The following SMARCA1 variants were observed in gnomAD, a reference collection of about 807,000 sequenced individuals.
SMARCA1 encodes the protein SWI/SNF-related matrix-associated actin-dependent regulator of chromatin subfamily A member 1.
Under a neutral mutation model 93.6 loss-of-function variants are expected in SMARCA1, and 17 were observed. That is an observed-to-expected ratio of 0.18 (90% CI 0.12 to 0.27). The LOEUF is 0.27. SMARCA1 is among the 10% of genes least tolerant of loss of function. The pLI is 1.00. For missense variants in SMARCA1, 630 were observed against 819.0 expected (o/e 0.77, Z 2.82); for synonymous variants, 271 against 271.4 (o/e 1.00, Z 0.01).
chrX:129,448,271 C>A (rs1932103347), intron 24 of SMARCA1, 62 bp downstream of exon 24: 2 of 1,043,256 alleles, frequency 1.9e-6, no homozygotes, highest in Non-Finnish European at 2.7e-6. Context: ...ATAATATAGG[C>A]ATTTTAATTA....
chrX:129,467,706 T>C (rs757154486), intron 21 of SMARCA1, among the ~76,000 whole-genome samples: 29 of 111,006 alleles, frequency 2.6e-4, no homozygotes, highest in South Asian at 7.6e-4. Flanking sequence ...ACTAGCATGC[T>C]AGATAAATTA....
chrX:129,469,327 A>G (rs1003065545), intron 20 of SMARCA1, among the ~76,000 whole-genome samples: 1 of 79,254 alleles, frequency 1.3e-5, no homozygotes, highest in Admixed American at 1.3e-4. Flanking sequence ...AGGAATAACC[A>G]AAAGATAATG....
chrX:129,468,422 A>G (rs1602662831), intron 21 of SMARCA1, among the ~76,000 whole-genome samples: 1 of 112,101 alleles, frequency 8.9e-6, no homozygotes, highest in East Asian at 2.8e-4. Flanking sequence ...GAAAGGCACG[A>G]ATTCAATCCA....
chrX:129,450,850 T>C lies in SMARCA1; in HGVS notation c.3031-2407A>G, dbSNP rs186350441. ...TTAAGTGTTGGGCAATCTGTAACTT[T>C]TTAAGAATGGAAAATTGTTTAAAAT... On this transcript the variant is annotated intron_variant, in intron 23 of 24. Transcript: ENST00000371121. 2.7e-5 allele frequency among the ~76,000 whole-genome samples: 3 copies of C among 111,482 alleles called. No individual in the cohort carries two copies. The Admixed American group carries it at 2.9e-4, about 11-fold the overall frequency.
chrX:129,481,658 C>T, intron 17 of SMARCA1, among the ~76,000 whole-genome samples: 1 of 111,396 alleles, frequency 9.0e-6, no homozygotes, highest in East Asian at 2.8e-4. Flanking sequence ...GTTAGAATGG[C>T]AATCATTGAA....
chrX:129,485,476 G>A (rs1309799139), intron 17 of SMARCA1, among the ~76,000 whole-genome samples: 3 of 112,167 alleles, frequency 2.7e-5, no homozygotes, highest in African/African-American at 9.7e-5. Flanking sequence ...ACTGAGATGA[G>A]ACTTTGGACT....
At chrX:129,513,951 T>G (rs1935102051) in intron 5 of SMARCA1, among the ~76,000 whole-genome samples, 1 of 112,527 alleles carries the variant, frequency 8.9e-6, no homozygotes, top group Non-Finnish European at 1.9e-5. Context: ...CAGAGTCACA[T>G]AAATATGAGT....
At chrX:129,510,761 G>A (rs920082070) in intron 6 of SMARCA1, among the ~76,000 whole-genome samples, 1 of 111,526 alleles carries the variant, frequency 9.0e-6, no homozygotes, top group Non-Finnish European at 1.9e-5. Flanking sequence ...AGTTTATATG[G>A]AGTGGTATTA....
chrX:129,516,290 A>G (rs757518242), intron 3 of SMARCA1, 41 bp downstream of exon 3: 43 of 1,148,634 alleles, frequency 3.7e-5, no homozygotes, highest in Admixed American at 1.3e-4. Flanking sequence ...AAGAAAAGGT[A>G]GGAGAAAGGA....
intron 5 of SMARCA1, among the ~76,000 whole-genome samples, chrX:129,515,072 C>T (rs1935150032): frequency 9.0e-6 from 1 of 110,852 alleles, no homozygotes; most frequent in African/African-American, 3.3e-5. Context: ...AAAAAAGTTA[C>T]ATAAAGGCAT....
Position 129,487,118 on chromosome X carries a change from C to T in SMARCA1, c.2117G>A (p.Arg706His), listed in dbSNP as rs756947225. 14 of 1,171,571 alleles carry T rather than the reference C, an allele frequency of 1.2e-5. No homozygotes were observed. Among genetic ancestry groups the T allele is most frequent in the Admixed American group, 6.9e-5 (3 of 43,417 alleles). Residue 706 changes from arginine to histidine, a missense_variant, in exon 17 of 25, where the codon CGC becomes CAC. Physicochemically the swap from Arg to His is conservative, Grantham distance 29. Around this residue, in one of 4 missense-constraint regions of SMARCA1, gnomAD observed 382 missense variants for 537.9 expected, o/e 0.71. Coordinates refer to ENST00000371121, the MANE Select transcript of SMARCA1 (RefSeq NM_001282874.2). ...GEKKTAEMNE[R>H]LQKMGESSLR... is the part of the protein sequence containing the mutation. ...AGAAGACTCTCCCATTTTTTGCAGG[C>T]GTTCATTCATCTCTGCAGTCTAAAG...
chrX:129,481,382 C>T (rs1457633285), intron 17 of SMARCA1, among the ~76,000 whole-genome samples, 197 bp from the exon 18 acceptor site: 1 of 112,273 alleles, frequency 8.9e-6, no homozygotes, highest in Non-Finnish European at 1.9e-5. Context: ...AGACAGTTTT[C>T]TTTATTTTTA....
intron 17 of SMARCA1, among the ~76,000 whole-genome samples, chrX:129,484,542 C>A (rs139180665): frequency 1.8e-5 from 2 of 111,244 alleles, no homozygotes; most frequent in Non-Finnish European, 3.8e-5. Flanking sequence ...AAAATAAGTA[C>A]CTAAGAATGA....
chrX:129,457,740 C>T (rs1409406783), intron 23 of SMARCA1, among the ~76,000 whole-genome samples: 2 of 112,044 alleles, frequency 1.8e-5, no homozygotes, highest in Non-Finnish European at 3.8e-5. Flanking sequence ...CTACAATTTG[C>T]TACCTCATGG....
intron 5 of SMARCA1, among the ~76,000 whole-genome samples, chrX:129,512,824 G>A (rs914196208): frequency 9.9e-5 from 11 of 111,349 alleles, no homozygotes; most frequent in African/African-American, 3.6e-4. Context: ...GGAATCCTAC[G>A]GAAATAATCT....
At chrX:129,489,805 C>T (rs1487894824) in intron 15 of SMARCA1, among the ~76,000 whole-genome samples, 4 of 111,849 alleles carry the variant, frequency 3.6e-5, no homozygotes, top group Non-Finnish European at 3.8e-5. Context: ...GTGATCCACC[C>T]GCCTCGGCCT....
intron 15 of SMARCA1, 32 bp downstream of exon 15, chrX:129,490,028 A>G (rs760366065): frequency 9.2e-7 from 1 of 1,085,857 alleles, no homozygotes; most frequent in African/African-American, 1.8e-5. Context: ...GTTTTACAAA[A>G]AACACCTAAT....
intron 16 of SMARCA1, among the ~76,000 whole-genome samples, chrX:129,488,229 G>A (rs1190134649): frequency 1.1e-5 from 1 of 92,531 alleles, no homozygotes. Context: ...TTCATGAAAT[G>A]TTTTATAAAA....
chrX:129,509,232 T>C (rs1425472680), intron 6 of SMARCA1, among the ~76,000 whole-genome samples: 1 of 109,030 alleles, frequency 9.2e-6, no homozygotes, highest in Non-Finnish European at 1.9e-5. Context: ...TTACAGTGCA[T>C]AAACAAAATT....
Sources: gnomAD v4.1 joint callset for allele counts (sites outside exome capture counted in the v4.1 genomes callset) on GRCh38, gnomAD v4.1.1 for gene constraint, gnomAD v4.1.1 regional missense constraint, MANE v1.5 for transcripts, NCBI Gene and HGNC (gene_info 2026-07-23, HGNC 2026-07-21) for gene names.